Variants in CDH13 observed in about 807,000 individuals in gnomAD.
The protein encoded by CDH13 is cadherin 13.
Under a neutral mutation model 63.8 loss-of-function variants are expected in CDH13, and 24 were observed. The observed-to-expected ratio is 0.38, with a 90% CI of 0.27 to 0.53. The LOEUF (loss-of-function observed/expected upper bound fraction) is 0.53. CDH13 is among the 20% of genes least tolerant of loss of function. CDH13 has a pLI of 0.85. For missense variants in CDH13, 1,049 were observed against 903.1 expected (o/e 1.16, Z -2.07); for synonymous variants, 503 against 355.3 (o/e 1.42, Z -4.67).
At chr16:82,826,236 A>G (rs1169388286) in intron 1 of CDH13, 1 of 152,186 alleles carries the variant, frequency 6.6e-6, no homozygotes. Flanking sequence ...CAGCCACACA[A>G]TAGCCAAATG....
chr16:83,511,346 C>T (rs1403473624), intron 7 of CDH13, among the ~76,000 whole-genome samples: 1 of 152,190 alleles, frequency 6.6e-6, no homozygotes, highest in Non-Finnish European at 1.5e-5. Flanking sequence ...CCTGTAACCC[C>T]ATCTACTCGG....
At chr16:83,783,634 G>C (rs997955350) in intron 13 of CDH13, among the ~76,000 whole-genome samples, 162 bp downstream of exon 13, 15 of 152,170 alleles carry the variant, frequency 9.9e-5, no homozygotes, top group African/African-American at 3.6e-4. Context: ...ATATGTAAAA[G>C]TGCTCCCACT....
At chr16:83,759,412 C>T (rs937792193) in intron 11 of CDH13, among the ~76,000 whole-genome samples, 4 of 151,138 alleles carry the variant, frequency 2.6e-5, no homozygotes, top group African/African-American at 7.3e-5. Flanking sequence ...TATTACAGAT[C>T]AAAATATAGA....
intron 13 of CDH13, among the ~76,000 whole-genome samples, chr16:83,793,000 G>T (rs1916373945): frequency 6.6e-6 from 1 of 152,142 alleles, no homozygotes; most frequent in African/African-American, 2.4e-5. Flanking sequence ...GTCTTCAGTG[G>T]GCACTTTTGG....
rs183186369 is a variant in CDH13, at chr16:82,724,547, A to G, written c.45+97410A>G. ...TAGTCATGATGCTGTCCTTCATTCTACATTTATTGGGATGCCCTCAAATGC... is the reference window on the plus strand; with the variant it reads ...TAGTCATGATGCTGTCCTTCATTCTGCATTTATTGGGATGCCCTCAAATGC... On this transcript the variant is annotated intron_variant, in intron 1 of 13. Transcript: ENST00000567109. Among the ~76,000 whole-genome samples the G allele has an allele frequency of 3.9e-5, 6 of 152,342 alleles. No homozygotes were observed. The East Asian group carries it at 9.6e-4, about 24-fold the overall frequency.
chr16:82,793,305 A>AT (rs1431508474), intron 1 of CDH13, among the ~76,000 whole-genome samples: 2 of 152,190 alleles, frequency 1.3e-5, no homozygotes, highest in Non-Finnish European at 2.9e-5. Flanking sequence ...AGAAAAGGCA[A>AT]TAAAAAGCAG....
chr16:82,988,738 G>A (rs72792124), intron 2 of CDH13, among the ~76,000 whole-genome samples: 17,715 of 150,318 alleles, frequency 0.12, 1,283 homozygotes, highest in Middle Eastern at 0.17. Flanking sequence ...CTCCAGCCTG[G>A]GAGACAGAGT....
At chr16:83,471,753 C>T (rs1460731376) in intron 6 of CDH13, among the ~76,000 whole-genome samples, 1 of 152,202 alleles carries the variant, frequency 6.6e-6, no homozygotes, top group Non-Finnish European at 1.5e-5. Flanking sequence ...CTCACCCGAG[C>T]AGTGCCTAAA....
intron 7 of CDH13, among the ~76,000 whole-genome samples, chr16:83,514,288 T>C (rs1259300746): frequency 3.9e-5 from 6 of 152,236 alleles, no homozygotes; most frequent in Non-Finnish European, 8.8e-5. Flanking sequence ...TGTAATTAGC[T>C]AAGATGAGGT....
intron 6 of CDH13, among the ~76,000 whole-genome samples, chr16:83,408,372 A>G (rs2092078125): frequency 6.6e-6 from 1 of 152,238 alleles, no homozygotes; most frequent in Admixed American, 6.5e-5. Flanking sequence ...TGCAAACATC[A>G]TATAGTGCAC....
At chr16:83,572,781 A>G (rs1904763168) in intron 7 of CDH13, among the ~76,000 whole-genome samples, 1 of 152,250 alleles carries the variant, frequency 6.6e-6, no homozygotes, top group Admixed American at 6.5e-5. Flanking sequence ...CAAATCATCC[A>G]TCATTTCTCC....
chr16:83,016,717 C>G (rs1914835451), intron 2 of CDH13, among the ~76,000 whole-genome samples: 5 of 152,052 alleles, frequency 3.3e-5, no homozygotes, highest in South Asian at 4.2e-4. Context: ...ATTTCTGGAC[C>G]CTGTCCTGGA....
At chr16:83,684,506 A>G (rs1904284409) in intron 10 of CDH13, among the ~76,000 whole-genome samples, 1 of 152,214 alleles carries the variant, frequency 6.6e-6, no homozygotes, top group Admixed American at 6.5e-5. Flanking sequence ...TACATTAGGG[A>G]GGCAGCCGGC....
intron 7 of CDH13, among the ~76,000 whole-genome samples, chr16:83,513,040 G>A (rs2074611128): frequency 6.6e-6 from 1 of 151,600 alleles, no homozygotes; most frequent in Non-Finnish European, 1.5e-5. Context: ...AAAAAAAAAG[G>A]CATAAGTGTC....
At chr16:83,508,055 A>AGAAGGAAGGAAGGAAGGAGGGAAG (rs2074445776) in intron 7 of CDH13, among the ~76,000 whole-genome samples, 25 of 58,296 alleles carry the variant, frequency 4.3e-4, no homozygotes, top group Admixed American at 8.9e-4. Context: ...GAGAAAGAGA[A>AGAAGGAAGGAAGGAAGGAGGGAAG]GAAGGAAGGA....
chr16:83,080,871 G>GTTTTTTTTTTTGTTTTTTTTTT (rs2033185148), intron 3 of CDH13, among the ~76,000 whole-genome samples: 21 of 46,944 alleles, frequency 4.5e-4, no homozygotes, highest in Admixed American at 7.5e-4. Context: ...TTGTTTTTGT[G>GTTTTTTTTTTTGTTTTTTTTTT]TTTTTTTTTT....
At chr16:82,774,844 G>C (rs558784769) in intron 1 of CDH13, among the ~76,000 whole-genome samples, 1 of 152,320 alleles carries the variant, frequency 6.6e-6, no homozygotes, top group East Asian at 1.9e-4. Flanking sequence ...GGGCAGCATG[G>C]TGGGCTATCC....
At chr16:83,069,579 G>A (rs1256350052) in intron 3 of CDH13, among the ~76,000 whole-genome samples, 1 of 152,148 alleles carries the variant, frequency 6.6e-6, no homozygotes, top group African/African-American at 2.4e-5. Context: ...GCAAAGCCAA[G>A]ATTCAAACTC....
At chr16:83,627,861 G>A (rs11862535) in intron 8 of CDH13, among the ~76,000 whole-genome samples, 65,723 of 152,070 alleles carry the variant, frequency 0.43, 14,327 homozygotes, top group South Asian at 0.52. Flanking sequence ...AGCCCCAAGG[G>A]CCAAAGGACT....
Sources: gnomAD v4.1 joint callset for allele counts (sites outside exome capture counted in the v4.1 genomes callset) on GRCh38, gnomAD v4.1.1 for gene constraint, MANE v1.5 for transcripts, NCBI Gene and HGNC (gene_info 2026-07-23, HGNC 2026-07-21) for gene names.